The following RBM46 variants were observed in gnomAD, a reference collection of about 807,000 sequenced individuals.
RBM46 encodes RNA binding motif protein 46.
In RBM46, 12 loss-of-function variants were observed where a neutral mutation model predicts 43.3. That is an observed-to-expected ratio of 0.28 (90% CI 0.18 to 0.45). The LOEUF is 0.45. Ranked by LOEUF, RBM46 falls within the 20% of genes least tolerant of loss-of-function variation. The probability of loss-of-function intolerance (pLI) is 1.00; values close to 1 mark genes in which losing one functional copy is unlikely to be tolerated. For synonymous variants in RBM46, 205 were observed against 207.6 expected, an observed-to-expected ratio of 0.99 and a Z score of 0.11; for missense variants, 412 against 639.1, an observed-to-expected ratio of 0.64 and a Z score of 3.83.
intron 1 of RBM46, among the ~76,000 whole-genome samples, chr4:154,786,378 C>T (rs928073502): frequency 2.6e-5 from 4 of 152,024 alleles, no homozygotes; most frequent in South Asian, 2.1e-4. Context: ...CGTGAGCCAC[C>T]GTACCTGGCC....
Position 154,799,206 on chromosome 4 carries a change from A to G in RBM46, c.1044A>G (p.Pro348=). 1 of 1,614,194 alleles carries G rather than the reference A, an allele frequency of 6.2e-7. No homozygotes were observed. Among genetic ancestry groups the G allele is most frequent in the Admixed American group, 1.7e-5 (1 of 60,030 alleles). ...ACCCAAAAACTCTAGGCAAGCTGCC[A>G]ACTCTTCCTGCTCGTCTCAATGGTC... is the stretch of plus-strand genomic sequence containing the variant. ...ESHPKTLGKL[P]TLPARLNGQH... The change falls in exon 4 of 5, where the codon CCA becomes CCG. Residue 348 remains proline, a synonymous_variant. Transcript: ENST00000281722.
At chr4:154,789,392 G>A (rs997958738) in intron 1 of RBM46, among the ~76,000 whole-genome samples, 2 of 152,142 alleles carry the variant, frequency 1.3e-5, no homozygotes, top group Admixed American at 1.3e-4. Flanking sequence ...GAGGGCTGTT[G>A]AATTTTGTCA....
chr4:154,809,165 A>AT (rs1009130740), intron 4 of RBM46, among the ~76,000 whole-genome samples: 14 of 151,786 alleles, frequency 9.2e-5, no homozygotes, highest in African/African-American at 3.1e-4. Context: ...ACTTTTATTG[A>AT]TTTTTTTATA....
chr4:154,814,844 T>C (rs1007370374), intron 4 of RBM46, among the ~76,000 whole-genome samples: 16 of 138,758 alleles, frequency 1.2e-4, no homozygotes, highest in African/African-American at 2.4e-4. Flanking sequence ...CCTCCCCCCC[T>C]TTTTTTTAAA....
chr4:154,787,017 A>G (rs186513216), intron 1 of RBM46: 1 of 152,362 alleles, frequency 6.6e-6, no homozygotes, highest in Non-Finnish European at 1.5e-5. Flanking sequence ...ATTGAAATGA[A>G]TAAGAAAGGA....
intron 4 of RBM46, among the ~76,000 whole-genome samples, chr4:154,822,580 T>G (rs541573685): frequency 2.2e-4 from 33 of 150,590 alleles, no homozygotes; most frequent in East Asian, 1.4e-3. Context: ...AAAAAAAAAG[T>G]TTTTTTTTGC....
chr4:154,793,771 T>C (rs1489687175), intron 1 of RBM46, among the ~76,000 whole-genome samples: 1 of 152,312 alleles, frequency 6.6e-6, no homozygotes, highest in South Asian at 2.1e-4. Flanking sequence ...CTTGTATTAG[T>C]TTGCTGGAGT....
rs532391124 is a variant in RBM46 at position 154,828,548 on chromosome 4, A to T, written c.*481A>T. The T allele has an allele frequency of 6.5e-6, 1 of 153,766 alleles. No individual in the cohort carries two copies. Among genetic ancestry groups the T allele is most frequent in the Non-Finnish European group, 1.5e-5 (1 of 68,898 alleles). The allele number at this position is 153,766 out of a possible 1,614,324, so 9.5% of individuals were successfully genotyped here. ...TAAAAAGAAATGATGAGACAAAAAGATTAAGATACAAATTTTGTGCAGTAC... is the reference window on the plus strand; with the variant it reads ...TAAAAAGAAATGATGAGACAAAAAGTTTAAGATACAAATTTTGTGCAGTAC... On this transcript the variant is annotated 3_prime_UTR_variant, in exon 5 of 5. Coordinates refer to ENST00000281722, the MANE Select transcript of RBM46 (RefSeq NM_144979.5).
At chr4:154,807,709 G>A (rs2111168328) in intron 4 of RBM46, among the ~76,000 whole-genome samples, 1 of 151,890 alleles carries the variant, frequency 6.6e-6, no homozygotes, top group South Asian at 2.1e-4. Context: ...TCACTTTCCT[G>A]TGAAGCTTCA....
intron 1 of RBM46, among the ~76,000 whole-genome samples, chr4:154,795,599 C>T (rs1206172846): frequency 6.6e-6 from 1 of 151,996 alleles, no homozygotes; most frequent in Non-Finnish European, 1.5e-5. Context: ...TCCCAGGTAC[C>T]TTTGAAGCTT....
At chr4:154,797,671 T>G (rs1021212638) in intron 2 of RBM46, 140 bp from the exon 3 acceptor site, 5 of 518,166 alleles carry the variant, frequency 9.6e-6, no homozygotes, top group Admixed American at 3.7e-5. Context: ...AGGGGCTTTA[T>G]TTTGTCCACT....
chr4:154,824,805 A>G (rs566686772), intron 4 of RBM46, among the ~76,000 whole-genome samples: 22 of 152,240 alleles, frequency 1.4e-4, no homozygotes, highest in African/African-American at 4.8e-4. Context: ...TACTTAATGC[A>G]TATTATATGA....
At chr4:154,817,622 A>G (rs1259660638) in intron 4 of RBM46, among the ~76,000 whole-genome samples, 1 of 152,008 alleles carries the variant, frequency 6.6e-6, no homozygotes. Context: ...GTGATCCATC[A>G]TGCCTGGCCT....
intron 1 of RBM46, among the ~76,000 whole-genome samples, chr4:154,783,144 TA>T (rs1243011897): frequency 6.6e-6 from 1 of 151,268 alleles, no homozygotes; most frequent in Non-Finnish European, 1.5e-5. Context: ...TTTATAGACA[TA>T]AAGATGACAG....
intron 4 of RBM46, 50 bp from the exon 5 acceptor site, chr4:154,827,818 T>G (rs1272797544): frequency 1.7e-5 from 28 of 1,605,606 alleles, no homozygotes; most frequent in Middle Eastern, 1.7e-4. Context: ...TTAAATTAAA[T>G]TTGTGTCCAT....
chr4:154,789,808 C>CT, intron 1 of RBM46, among the ~76,000 whole-genome samples: 1 of 152,160 alleles, frequency 6.6e-6, no homozygotes, highest in South Asian at 2.1e-4. Context: ...TGGTCCTGGA[C>CT]TTTTTTTGGT....
intron 1 of RBM46, among the ~76,000 whole-genome samples, chr4:154,793,756 A>T (rs1338382584): frequency 6.6e-6 from 1 of 152,154 alleles, no homozygotes; most frequent in Non-Finnish European, 1.5e-5. Flanking sequence ...GGCAAGCTGG[A>T]TTCTCTTGTA....
intron 4 of RBM46, 101 bp downstream of exon 4, chr4:154,799,665 T>G: frequency 2.6e-4 from 195 of 737,692 alleles, no homozygotes; most frequent in Non-Finnish European, 3.3e-4. Context: ...TAGTGGTAAG[T>G]ATGTAACATA....
At chr4:154,797,330 C>T (rs937498385) in intron 2 of RBM46, among the ~76,000 whole-genome samples, 8 of 152,166 alleles carry the variant, frequency 5.3e-5, no homozygotes, top group Non-Finnish European at 8.8e-5. Flanking sequence ...TTGCCCGAAA[C>T]CCTTCAGTTT....
Sources: gnomAD v4.1 joint callset for allele counts (sites outside exome capture counted in the v4.1 genomes callset) on GRCh38, gnomAD v4.1.1 for gene constraint, MANE v1.5 for transcripts, NCBI Gene and HGNC (gene_info 2026-07-23, HGNC 2026-07-21) for gene names.